The following PPP2R2B variants were observed in gnomAD, a reference collection of about 807,000 sequenced individuals.
PPP2R2B encodes serine/threonine-protein phosphatase 2A 55 kDa regulatory subunit B beta isoform.
PPP2R2B carries 5 observed loss-of-function variants against 46.0 expected under a neutral mutation model. That is an observed-to-expected ratio of 0.11 (90% CI 0.06 to 0.23). The LOEUF (loss-of-function observed/expected upper bound fraction) is 0.23, where lower values mean the gene tolerates loss of function less well. PPP2R2B is among the 10% of genes least tolerant of loss of function. The pLI, the probability that PPP2R2B is intolerant of heterozygous loss-of-function variation, is 1.00. For missense variants in PPP2R2B, 367 were observed against 575.0 expected, an observed-to-expected ratio of 0.64 and a Z score of 3.70; for synonymous variants, 215 against 206.7, an observed-to-expected ratio of 1.04 and a Z score of -0.34.
At chr5:146,987,520 T>C (rs1238097864) in intron 1 of PPP2R2B, among the ~76,000 whole-genome samples, 2 of 152,098 alleles carry the variant, frequency 1.3e-5, no homozygotes, top group Middle Eastern at 3.2e-3. Flanking sequence ...TTTTTGTTTC[T>C]TTTATTGTCT....
chr5:147,055,184 A>C lies in PPP2R2B; in HGVS notation c.79+481T>G, dbSNP rs372486810. Among the ~76,000 whole-genome samples, 312 of 152,318 alleles carry C rather than the reference A, an allele frequency of 2.0e-3. 1 individual carries two copies. The highest frequency in any genetic ancestry group is 7.2e-3 in the African/African-American group (300 of 41,574). ...CTCTGTAACCCAAGTACAGACTCCAAGTGAACCAATCCAACAATCAACACT... is the reference window on the plus strand; with the variant it reads ...CTCTGTAACCCAAGTACAGACTCCACGTGAACCAATCCAACAATCAACACT... On this transcript the variant is annotated intron_variant, in intron 1 of 8. Transcript: ENST00000336640.
intron 2 of PPP2R2B, among the ~76,000 whole-genome samples, chr5:146,832,543 C>T (rs1053839943): frequency 4.0e-5 from 6 of 151,756 alleles, no homozygotes; most frequent in Admixed American, 3.3e-4. Context: ...AGGTGCCTGC[C>T]ACCACACCCA....
At chr5:146,660,717 G>A (rs1331972573) in intron 5 of PPP2R2B, among the ~76,000 whole-genome samples, 1 of 152,162 alleles carries the variant, frequency 6.6e-6, no homozygotes, top group Non-Finnish European at 1.5e-5. Context: ...TTGTCATACA[G>A]ATTGAAATAA....
At chr5:146,615,253 C>CA in intron 7 of PPP2R2B, among the ~76,000 whole-genome samples, 1 of 73,300 alleles carries the variant, frequency 1.4e-5, no homozygotes, top group South Asian at 5.7e-4. Flanking sequence ...ATCGCAAGAA[C>CA]AAAAAACCAA....
chr5:146,654,082 A>C (rs960811524), intron 5 of PPP2R2B, among the ~76,000 whole-genome samples: 2 of 152,168 alleles, frequency 1.3e-5, no homozygotes, highest in African/African-American at 2.4e-5. Context: ...CTATTCCCTG[A>C]GTCAGGTCCA....
intron 1 of PPP2R2B, among the ~76,000 whole-genome samples, chr5:147,022,847 G>A (rs186600570): frequency 6.6e-6 from 1 of 152,074 alleles, no homozygotes; most frequent in Admixed American, 6.5e-5. Context: ...AGTCTAGATA[G>A]AACCAGTGAA....
At chr5:146,812,064 A>G (rs1263027975) in intron 2 of PPP2R2B, among the ~76,000 whole-genome samples, 1 of 152,026 alleles carries the variant, frequency 6.6e-6, no homozygotes, top group East Asian at 2.0e-4. Context: ...GCTACAGGGA[A>G]CTGGGCCCAA....
At chr5:146,948,710 G>T (rs1487842419) in intron 1 of PPP2R2B, among the ~76,000 whole-genome samples, 2 of 151,984 alleles carry the variant, frequency 1.3e-5, no homozygotes, top group Non-Finnish European at 2.9e-5. Context: ...TTCATTTGGT[G>T]CAAAAACTTC....
intron 2 of PPP2R2B, among the ~76,000 whole-genome samples, chr5:146,733,708 GACAC>G (rs1554130467): frequency 6.6e-6 from 1 of 151,636 alleles, no homozygotes; most frequent in Non-Finnish European, 1.5e-5. Flanking sequence ...ACCACACACA[GACAC>G]ACACACACAC....
At chr5:147,024,910 G>T (rs754582393) in intron 1 of PPP2R2B, among the ~76,000 whole-genome samples, 11 of 151,560 alleles carry the variant, frequency 7.3e-5, no homozygotes, top group Admixed American at 5.9e-4. Flanking sequence ...ATAAGAATAC[G>T]GAAAAAGAAG....
At chr5:146,617,842 G>A (rs1481458285) in intron 7 of PPP2R2B, among the ~76,000 whole-genome samples, 1 of 152,002 alleles carries the variant, frequency 6.6e-6, no homozygotes, top group East Asian at 1.9e-4. Flanking sequence ...TTACAGACGT[G>A]TGCCACCACG....
chr5:146,840,573 C>G (rs186758786), intron 2 of PPP2R2B, among the ~76,000 whole-genome samples: 42 of 152,320 alleles, frequency 2.8e-4, no homozygotes, highest in African/African-American at 9.9e-4. Flanking sequence ...CATCTAGACA[C>G]TCCTAAAATA....
chr5:147,062,762 C>A (rs1420155276), intron 2 of PPP2R2B, among the ~76,000 whole-genome samples: 4 of 151,858 alleles, frequency 2.6e-5, no homozygotes, highest in South Asian at 2.1e-4. Context: ...TAGGGCTGGG[C>A]AAATTTACTT....
intron 2 of PPP2R2B, among the ~76,000 whole-genome samples, chr5:146,803,279 A>G (rs775849900): frequency 6.6e-6 from 1 of 152,170 alleles, no homozygotes; most frequent in Non-Finnish European, 1.5e-5. Context: ...CTGAAACCCG[A>G]CATTAGAACT....
At chr5:146,621,339 A>C (rs1343990245) in intron 7 of PPP2R2B, among the ~76,000 whole-genome samples, 1 of 152,200 alleles carries the variant, frequency 6.6e-6, no homozygotes, top group Non-Finnish European at 1.5e-5. Context: ...TCAGAGAGTC[A>C]TTTGCCCTTG....
At chr5:146,958,349 T>C (rs79526861) in intron 1 of PPP2R2B, among the ~76,000 whole-genome samples, 5,503 of 152,214 alleles carry the variant, frequency 0.036, 340 homozygotes, top group African/African-American at 0.12. Flanking sequence ...CATTCCATTT[T>C]TGAAGGAAAT....
intron 1 of PPP2R2B, among the ~76,000 whole-genome samples, chr5:146,905,098 A>G (rs1007397639): frequency 2.0e-5 from 3 of 152,200 alleles, no homozygotes; most frequent in African/African-American, 7.2e-5. Flanking sequence ...TAAAACCGCA[A>G]TGAAATACCA....
intron 2 of PPP2R2B, among the ~76,000 whole-genome samples, chr5:146,800,773 C>G (rs1248303163): frequency 6.6e-6 from 1 of 152,074 alleles, no homozygotes; most frequent in African/African-American, 2.4e-5. Context: ...TAGGGGGGCT[C>G]TCCAAGGAAG....
chr5:146,893,426 C>A (rs1762549588), intron 1 of PPP2R2B, among the ~76,000 whole-genome samples: 1 of 152,150 alleles, frequency 6.6e-6, no homozygotes, highest in African/African-American at 2.4e-5. Context: ...ACCTAGCTGC[C>A]CCATTCCAGA....
Sources: allele counts gnomAD v4.1 joint callset (sites outside exome capture counted in the v4.1 genomes callset), GRCh38; gene constraint gnomAD v4.1.1; transcripts MANE v1.5; gene names NCBI Gene and HGNC (gene_info 2026-07-23, HGNC 2026-07-21).